MYO7B: variants seen among roughly 807,000 people sequenced by gnomAD.
MYO7B encodes unconventional myosin-VIIb.
In MYO7B, 212 loss-of-function variants were observed where a neutral mutation model predicts 259.7. That is an observed-to-expected ratio of 0.82 (90% CI 0.73 to 0.91). The LOEUF is 0.91. MYO7B is among the 40% of genes least tolerant of loss of function. The pLI, the probability that MYO7B is intolerant of heterozygous loss-of-function variation, is 0.00. For missense variants in MYO7B, 2,732 were observed against 2,813.5 expected, an observed-to-expected ratio of 0.97 and a Z score of 0.66; for synonymous variants, 1,197 against 1,166.4, an observed-to-expected ratio of 1.03 and a Z score of -0.54.
chr2:127,627,361 C>T lies in MYO7B; in HGVS notation c.4460+51C>T, dbSNP rs755132622. The T allele has an allele frequency of 2.6e-6, 4 of 1,566,226 alleles. No homozygotes were observed. Among genetic ancestry groups the T allele is most frequent in the Middle Eastern group, 3.4e-4 (2 of 5,930 alleles). ...TCTTACACACTGAGTCCTTGTGATG[C>T]ATCTGGGGGCTCGGGGAGAGATGGG... On this transcript the variant is annotated intron_variant, in intron 33 of 47. Transcript: ENST00000409816. The surrounding 1 kb of genome is among the most constrained non-coding windows in gnomAD (Gnocchi z 5.6).
At chr2:127,536,265 A>C (rs1274757639) in intron 1 of MYO7B, among the ~76,000 whole-genome samples, 1 of 152,222 alleles carries the variant, frequency 6.6e-6, no homozygotes, top group East Asian at 1.9e-4. Flanking sequence ...CGTCCTCGCA[A>C]CACAGTGGTG....
At chr2:127,616,818 C>G (rs1054105191) in intron 26 of MYO7B, among the ~76,000 whole-genome samples, 1 of 152,148 alleles carries the variant, frequency 6.6e-6, no homozygotes, top group Non-Finnish European at 1.5e-5. Flanking sequence ...TCTCATTTCC[C>G]GACAGGGGGG....
intron 19 of MYO7B, 86 bp from the exon 20 acceptor site, chr2:127,605,758 G>C (rs1680137095): frequency 8.5e-7 from 1 of 1,173,478 alleles, no homozygotes; most frequent in African/African-American, 1.5e-5. Flanking sequence ...CACTAACCCT[G>C]TTCCCTTCCA....
intron 24 of MYO7B, among the ~76,000 whole-genome samples, chr2:127,610,338 A>C (rs1680335579): frequency 6.6e-6 from 1 of 152,200 alleles, no homozygotes; most frequent in African/African-American, 2.4e-5. Context: ...TTACTGACTG[A>C]CAGCCTGCTC....
intron 26 of MYO7B, among the ~76,000 whole-genome samples, chr2:127,617,855 GTT>G (rs34544960): frequency 6.4e-5 from 9 of 139,908 alleles, no homozygotes; most frequent in Admixed American, 1.4e-4. Flanking sequence ...CTGGGCTTTA[GTT>G]TTTTTTTTTT....
rs1681810397 is a variant in MYO7B at position 127,636,423 on chromosome 2, C to T, written c.6123+99C>T. 14 of 1,441,162 alleles carry T rather than the reference C, an allele frequency of 9.7e-6. No homozygotes were observed. The highest frequency in any genetic ancestry group is 1.3e-5 in the Non-Finnish European group (13 of 1,034,238). 89.3% of individuals were successfully genotyped at this position (1,441,162 alleles called of 1,614,324 possible). A position where few individuals can be genotyped will look rare whatever the true frequency, so the allele number is the denominator to read the frequency against. ...CAACCAGCACACATCTTGGGTGGGG[C>T]TGGCCGTGAGGCTGGAGGGCGTGGG... On this transcript the variant is annotated intron_variant, in intron 45 of 47. Coordinates refer to ENST00000409816, the MANE Select transcript of MYO7B (RefSeq NM_001393586.1). The surrounding 1 kb of genome is among the most constrained non-coding windows in gnomAD (Gnocchi z 4.5).
In MYO7B at chr2:127,632,410, A is replaced by G; in HGVS notation, c.5405+9A>G. 6.5e-7 allele frequency: 1 copy of G among 1,528,020 alleles called. No homozygotes were observed. The allele number at this position is 1,528,020 out of a possible 1,614,324, so 94.7% of individuals were successfully genotyped here. A position where few individuals can be genotyped will look rare whatever the true frequency, so the allele number is the denominator to read the frequency against. ...ATCCAGAAGGTCCTGAGGTGAGCCC[A>G]GTGCCTCCAGCCCCCAGCATTGGCC... On this transcript the variant is annotated intron_variant, in intron 39 of 47. Coordinates refer to ENST00000409816, the MANE Select transcript of MYO7B (RefSeq NM_001393586.1).
chr2:127,559,666 T>C lies in MYO7B; in HGVS notation c.-23-34T>C, dbSNP rs941573815. 2.5e-6 allele frequency: 4 copies of C among 1,610,090 alleles called. No individual in the cohort carries two copies. Among genetic ancestry groups the C allele is most frequent in the African/African-American group, 2.7e-5 (2 of 74,952 alleles). On this transcript the variant is annotated intron_variant, in intron 1 of 47. Transcript: ENST00000409816. The surrounding 1 kb of genome is among the most constrained non-coding windows in gnomAD (Gnocchi z 4.1). ...CAGGGGCTCCTATTGGGGCTGTGTA[T>C]GGAGCTGACGTTCTGCTTTCTCTCT...
At position 127,636,095 on chromosome 2, in the gene MYO7B, T is replaced by TCCTCC. The variant is rs1470131530; in HGVS notation, c.6007-100_6007-96dup. The TCCTCC allele has an allele frequency of 3.9e-5, 43 of 1,097,978 alleles. No individual in the cohort carries two copies. The highest frequency in any genetic ancestry group is 1.5e-4 in the South Asian group (10 of 67,594). 68.0% of individuals were successfully genotyped at this position (1,097,978 alleles called of 1,614,324 possible). A position where few individuals can be genotyped will look rare whatever the true frequency, so the allele number is the denominator to read the frequency against. ...GCACCGAGACTGTCCCATGCTGCATTCCTCCCCTCCCCTCCCCACCGTACT... is the reference window on the plus strand; with the variant it reads ...GCACCGAGACTGTCCCATGCTGCATTCCTCCCCTCCCCTCCCCTCCCCACCGTACT... On this transcript the variant is annotated intron_variant, in intron 44 of 47. Transcript: ENST00000409816. This position sits in a 1 kb window ranked among gnomAD's most constrained non-coding sequence, Gnocchi z 4.5.
At chr2:127,602,464 G>A (rs1378928332) in intron 19 of MYO7B, among the ~76,000 whole-genome samples, 2 of 152,134 alleles carry the variant, frequency 1.3e-5, no homozygotes, top group Non-Finnish European at 2.9e-5. Flanking sequence ...CCTGGTCAAC[G>A]TAGTGAGAAC....
rs1678880533 is a variant in MYO7B, at chr2:127,576,676, G to A, written c.817G>A (p.Gly273Ser). ...SAEDKQLLSLGTPSEYHYLTM... is the reference protein window; with the variant it reads ...SAEDKQLLSLSTPSEYHYLTM... Reference sequence around the variant, plus strand: ...TGAGGACAAGCAGCTGCTGAGCCTGGGCACGCCCTCCGAGTACCACTACCT... The same window carrying A: ...TGAGGACAAGCAGCTGCTGAGCCTGAGCACGCCCTCCGAGTACCACTACCT... The change falls in exon 8 of 48, where the codon GGC becomes AGC. Residue 273 changes from glycine (G) to serine (S), a missense_variant. Gly to Ser is a moderately conservative substitution (Grantham distance 56). Transcript: ENST00000409816. This position sits in a 1 kb window ranked among gnomAD's most constrained non-coding sequence, Gnocchi z 4.9. 6.2e-7 allele frequency: 1 copy of A among 1,611,164 alleles called. No homozygotes were observed. Among genetic ancestry groups the A allele is most frequent in the African/African-American group, 1.3e-5 (1 of 74,968 alleles).
At chr2:127,581,048 G>A (rs901819243) in intron 10 of MYO7B, among the ~76,000 whole-genome samples, 8 of 152,174 alleles carry the variant, frequency 5.3e-5, no homozygotes, top group Non-Finnish European at 1.2e-4. Flanking sequence ...TTTAATGAAT[G>A]TTTCCTCCCT....
At chr2:127,617,911 A>G (rs549521577) in intron 26 of MYO7B, among the ~76,000 whole-genome samples, 203 of 140,740 alleles carry the variant, frequency 1.4e-3, no homozygotes, top group Non-Finnish European at 2.1e-3. Flanking sequence ...ATAGGACCCT[A>G]TTGTCCCTAT....
chr2:127,602,954 T>C (rs1271466808), intron 19 of MYO7B, among the ~76,000 whole-genome samples: 1 of 151,282 alleles, frequency 6.6e-6, no homozygotes. Flanking sequence ...AAGCCGAGAT[T>C]GCACCACTGT....
In MYO7B at chr2:127,612,467, G is replaced by A; in HGVS notation, c.3271-9G>A. 1.3e-6 allele frequency: 2 copies of A among 1,552,266 alleles called. No individual in the cohort carries two copies. The highest frequency in any genetic ancestry group is 1.7e-6 in the Non-Finnish European group (2 of 1,147,380). On this transcript the variant is annotated splice_polypyrimidine_tract_variant and intron_variant, in intron 25 of 47. Transcript: ENST00000409816. The stretch of plus-strand genomic sequence containing the variant: ...ATAGCTGTCCTGATGGCTGCCTTTG[G>A]GTTTCAAGGTGGCCAGCCAGCTGAA...
intron 6 of MYO7B, among the ~76,000 whole-genome samples, chr2:127,572,650 T>C (rs1678696663): frequency 6.6e-6 from 1 of 151,994 alleles, no homozygotes; most frequent in Non-Finnish European, 1.5e-5. Flanking sequence ...ATTCCAGTCC[T>C]ATTTGTCAAA....
In MYO7B at chr2:127,566,536, G is replaced by A. The variant is rs1678350619; in HGVS notation, c.286-107G>A. On this transcript the variant is annotated intron_variant, in intron 4 of 47. Transcript: ENST00000409816. ...ATTCTACTTCCCCACCAAAGTCAGTGGCCCTGATAACCCCGAGGGCAGAGC... is the reference window on the plus strand; with the variant it reads ...ATTCTACTTCCCCACCAAAGTCAGTAGCCCTGATAACCCCGAGGGCAGAGC... 3.2e-6 allele frequency: 3 copies of A among 948,088 alleles called. No individual in the cohort carries two copies. In the South Asian group the frequency reaches 5.6e-5, roughly 18 times the overall value. 58.7% of individuals were successfully genotyped at this position (948,088 alleles called of 1,614,324 possible).
At chr2:127,598,158 A>T (rs1269191655) in intron 19 of MYO7B, among the ~76,000 whole-genome samples, 1 of 152,212 alleles carries the variant, frequency 6.6e-6, no homozygotes, top group Non-Finnish European at 1.5e-5. Context: ...TACAACGGTT[A>T]CAAGTTTTGT....
intron 1 of MYO7B, among the ~76,000 whole-genome samples, chr2:127,544,049 G>T (rs1395207255): frequency 6.6e-6 from 1 of 151,912 alleles, no homozygotes; most frequent in Non-Finnish European, 1.5e-5. Flanking sequence ...GGGATTACAG[G>T]CTAGAGCCAC....
Sources: allele counts gnomAD v4.1 joint callset (sites outside exome capture counted in the v4.1 genomes callset), GRCh38; gene constraint gnomAD v4.1.1; non-coding constraint Gnocchi (gnomAD v3.1); transcripts MANE v1.5; gene names NCBI Gene and HGNC (gene_info 2026-07-23, HGNC 2026-07-21).